Variants in ANKRD33B observed in about 807,000 individuals in gnomAD.
The protein encoded by ANKRD33B is ankyrin repeat domain 33B.
ANKRD33B carries 6 observed loss-of-function variants against 21.5 expected under a neutral mutation model. The ratio of observed to expected loss-of-function variants is 0.28; its 90% CI spans 0.15 to 0.55. The LOEUF is 0.55. Ranked by LOEUF, ANKRD33B falls within the 20% of genes least tolerant of loss-of-function variation. The pLI is 0.94. For synonymous variants in ANKRD33B, 347 were observed against 342.4 expected (o/e 1.01, Z -0.15); for missense variants, 698 against 747.2 (o/e 0.93, Z 0.77).
intron 1 of ANKRD33B, among the ~76,000 whole-genome samples, chr5:10,571,350 C>T (rs1182717879): frequency 5.3e-5 from 8 of 152,108 alleles, no homozygotes; most frequent in Non-Finnish European, 5.9e-5. Flanking sequence ...TACAGGCATG[C>T]GTCACGATGC....
rs34515233 is a variant in ANKRD33B, at chr5:10,634,457, A to ATTTTTTTTT, written c.497-3564_497-3563insTTTTTTTTT. Among the ~76,000 whole-genome samples, 8 of 141,858 alleles carry ATTTTTTTTT rather than the reference A, an allele frequency of 5.6e-5. 2 individuals are homozygous for ATTTTTTTTT. Among genetic ancestry groups the ATTTTTTTTT allele is most frequent in the Non-Finnish European group, 4.6e-5 (3 of 65,534 alleles). 93.1% of individuals were successfully genotyped at this position (141,858 alleles called of 152,430 possible). The stretch of plus-strand genomic sequence containing the variant: ...CCAAGTTGGACTGGGCTCAAACTAG[A>ATTTTTTTTT]TTTTTTTCTTTTTTTTTTTTGAGAC... On this transcript the variant is annotated intron_variant, in intron 2 of 3. Transcript: ENST00000296657.
chr5:10,581,710 G>A (rs1735448720), intron 1 of ANKRD33B, among the ~76,000 whole-genome samples: 1 of 152,164 alleles, frequency 6.6e-6, no homozygotes, highest in South Asian at 2.1e-4. Context: ...TTAAGTCAAG[G>A]AGATTACCCT....
chr5:10,649,579 C>A lies in ANKRD33B; in HGVS notation c.951C>A (p.Ser317Arg), dbSNP rs983629972. 3 of 1,527,982 alleles carry A rather than the reference C, an allele frequency of 2.0e-6. No homozygotes were observed. The highest frequency in any genetic ancestry group is 2.6e-6 in the Non-Finnish European group (3 of 1,142,382). The allele number at this position is 1,527,982 out of a possible 1,614,324, so 94.7% of individuals were successfully genotyped here. A position where few individuals can be genotyped will look rare whatever the true frequency, so the allele number is the denominator to read the frequency against. ...TCCGGATGACCACGAGCCTCTACAG[C>A]CCCGCCGTGGCCATCGTGTGCCAGA... Reference protein sequence around the residue: ...HMVRMTTSLYSPAVAIVCQTV... With the variant: ...HMVRMTTSLYRPAVAIVCQTV... Residue 317 changes from serine to arginine, a missense_variant, in exon 4 of 4, where the codon AGC (serine) becomes AGA (arginine). By Grantham distance (110) the Ser-to-Arg change is moderately radical. Coordinates refer to ENST00000296657, the MANE Select transcript of ANKRD33B (RefSeq NM_001164440.2).
At chr5:10,570,342 G>C (rs1735152673) in intron 1 of ANKRD33B, among the ~76,000 whole-genome samples, 1 of 152,178 alleles carries the variant, frequency 6.6e-6, no homozygotes, top group Non-Finnish European at 1.5e-5. Context: ...TCATTCAGCT[G>C]GTGGTCAGCT....
At chr5:10,615,005 G>A (rs1343861377) in intron 1 of ANKRD33B, among the ~76,000 whole-genome samples, 1 of 152,236 alleles carries the variant, frequency 6.6e-6, no homozygotes, top group Non-Finnish European at 1.5e-5. Flanking sequence ...AGCTGGAGGA[G>A]TGTGGTGGGG....
intron 1 of ANKRD33B, among the ~76,000 whole-genome samples, chr5:10,605,159 G>C (rs1325026633): frequency 6.6e-6 from 1 of 152,240 alleles, no homozygotes; most frequent in African/African-American, 2.4e-5. Context: ...AGTGTCCACA[G>C]GGCGTGGCGG....
At chr5:10,620,163 G>A (rs932578899) in intron 2 of ANKRD33B, among the ~76,000 whole-genome samples, 10 of 152,138 alleles carry the variant, frequency 6.6e-5, no homozygotes, top group South Asian at 2.1e-4. Context: ...TCCCAGGGGC[G>A]TAGCAGAGGG....
At chr5:10,594,107 T>G (rs1735766122) in intron 1 of ANKRD33B, among the ~76,000 whole-genome samples, 1 of 152,170 alleles carries the variant, frequency 6.6e-6, no homozygotes, top group African/African-American at 2.4e-5. Flanking sequence ...TATTCCTTAT[T>G]TAAAGCTTTT....
rs145729801 is a variant in ANKRD33B at position 10,596,901 on chromosome 5, T to C, written c.367-21432T>C. ...GATTGGGGGACAATATTCAACATTC[T>C]TAAAGAAAAAAAAATTCCAACTCAG... On this transcript the variant is annotated intron_variant, in intron 1 of 3. Coordinates refer to ENST00000296657, the MANE Select transcript of ANKRD33B (RefSeq NM_001164440.2). 6.6e-3 allele frequency among the ~76,000 whole-genome samples: 1,003 copies of C among 152,162 alleles called. 9 individuals carry two copies. The highest frequency in any genetic ancestry group is 0.023 in the African/African-American group (946 of 41,504).
chr5:10,606,649 A>G (rs550369279), intron 1 of ANKRD33B, among the ~76,000 whole-genome samples: 2 of 151,440 alleles, frequency 1.3e-5, no homozygotes, highest in South Asian at 4.2e-4. Flanking sequence ...CAGGAGAATC[A>G]CTTGAACCCA....
chr5:10,594,418 A>G (rs1427094554), intron 1 of ANKRD33B, among the ~76,000 whole-genome samples: 1 of 151,954 alleles, frequency 6.6e-6, no homozygotes, highest in Non-Finnish European at 1.5e-5. Context: ...GGGTTTCTCC[A>G]TGTTGGTGAG....
chr5:10,593,970 C>G (rs1014259179), intron 1 of ANKRD33B, among the ~76,000 whole-genome samples: 2 of 152,168 alleles, frequency 1.3e-5, no homozygotes, highest in African/African-American at 2.4e-5. Context: ...AGAACCTGTC[C>G]CAGAGTCTCT....
At chr5:10,622,794 CTTTATTTTATTTTATT>C (rs1421234296) in intron 2 of ANKRD33B, among the ~76,000 whole-genome samples, 1 of 78,602 alleles carries the variant, frequency 1.3e-5, no homozygotes, top group Admixed American at 1.0e-4. Flanking sequence ...TTTGTTTTTG[CTTTATTTTATTTTATT>C]TTTTTTTTTT....
At chr5:10,641,636 G>T (rs1218300146) in intron 3 of ANKRD33B, among the ~76,000 whole-genome samples, 1 of 151,978 alleles carries the variant, frequency 6.6e-6, no homozygotes, top group African/African-American at 2.4e-5. Context: ...CCCGTCTGTT[G>T]TTTTTCTCGA....
In ANKRD33B at chr5:10,651,347, G is replaced by C. The variant is rs1270267467; in HGVS notation, c.*1234G>C. On this transcript the variant is annotated 3_prime_UTR_variant, in exon 4 of 4. Coordinates refer to ENST00000296657, the MANE Select transcript of ANKRD33B (RefSeq NM_001164440.2). ...GCAGGGCAGGGCATGGGTGTGATTT[G>C]CCTTGGGCCACAAGCTCTTGGTGAG... 1.3e-5 allele frequency: 2 copies of C among 152,124 alleles called. No individual in the cohort carries two copies. The highest frequency in any genetic ancestry group is 2.9e-5 in the Non-Finnish European group (2 of 68,002). 9.4% of individuals were successfully genotyped at this position (152,124 alleles called of 1,614,324 possible).
rs368529023 is a variant in ANKRD33B at position 10,597,389 on chromosome 5, ATTCTAGTT to A, written c.367-20942_367-20935del. Among the ~76,000 whole-genome samples the A allele has an allele frequency of 8.2e-3, 1,243 of 152,352 alleles. 8 individuals carry two copies. The highest frequency in any genetic ancestry group is 0.012 in the Non-Finnish European group (813 of 68,034). ...AAAACAGGAAAAAGCAGGGAGTGCA[ATTCTAGTT>A]TCTGACAAAACAGGCTTTAAACCAA... On this transcript the variant is annotated intron_variant, in intron 1 of 3. Transcript: ENST00000296657.
intron 2 of ANKRD33B, among the ~76,000 whole-genome samples, chr5:10,634,239 C>CTCA (rs1736801902): frequency 6.6e-6 from 1 of 152,180 alleles, no homozygotes; most frequent in South Asian, 2.1e-4. Flanking sequence ...CAGTACTGAG[C>CTCA]TCATTGTCTA....
intron 1 of ANKRD33B, among the ~76,000 whole-genome samples, chr5:10,573,886 C>T (rs572948596): frequency 7.9e-5 from 12 of 152,326 alleles, no homozygotes; most frequent in Admixed American, 2.6e-4. Context: ...AACCATATCA[C>T]ATACTTAATG....
chr5:10,648,780 T>G (rs1737247040), intron 3 of ANKRD33B, among the ~76,000 whole-genome samples: 1 of 151,768 alleles, frequency 6.6e-6, no homozygotes, highest in Non-Finnish European at 1.5e-5. Context: ...ATTCTGTAAT[T>G]TAGGTGCTGA....
Sources: allele counts gnomAD v4.1 joint callset (sites outside exome capture counted in the v4.1 genomes callset), GRCh38; gene constraint gnomAD v4.1.1; transcripts MANE v1.5; gene names NCBI Gene and HGNC (gene_info 2026-07-23, HGNC 2026-07-21).